The following GSE1 variants were observed in gnomAD, a reference collection of about 807,000 sequenced individuals.
GSE1 encodes the protein genetic suppressor element 1.
In GSE1, 32 loss-of-function variants were observed where a neutral mutation model predicts 112.6. The ratio of observed to expected loss-of-function variants is 0.28; its 90% CI spans 0.21 to 0.38. GSE1 has a LOEUF of 0.38. Ranked by LOEUF, GSE1 falls within the 10% of genes least tolerant of loss-of-function variation. The pLI is 1.00. For missense variants in GSE1, 2,348 were observed against 1,699.2 expected, an observed-to-expected ratio of 1.38 and a Z score of -6.71; for synonymous variants, 1,115 against 735.6, an observed-to-expected ratio of 1.52 and a Z score of -8.35.
chr16:85,656,176 T>C (rs1246626038), intron 6 of GSE1, among the ~76,000 whole-genome samples, 167 bp from the exon 7 acceptor site: 1 of 152,096 alleles, frequency 6.6e-6, no homozygotes, highest in Non-Finnish European at 1.5e-5. Context: ...CCGCTTTGAT[T>C]GTATGGACCT....
chr16:85,463,385 C>G (rs2050032260), intron 2 of GSE1, among the ~76,000 whole-genome samples: 2 of 152,208 alleles, frequency 1.3e-5, no homozygotes. Flanking sequence ...TGGGCCAACT[C>G]TAGGCAGCCG....
At chr16:85,490,055 G>GA (rs997839328) in intron 2 of GSE1, 5 of 152,416 alleles carry the variant, frequency 3.3e-5, no homozygotes, top group African/African-American at 1.2e-4. Flanking sequence ...TGAGAGAGAA[G>GA]AAAGATCTGT....
intron 1 of GSE1, among the ~76,000 whole-genome samples, chr16:85,258,744 C>T (rs1907349003): frequency 6.6e-6 from 1 of 152,230 alleles, no homozygotes; most frequent in Non-Finnish European, 1.5e-5. Context: ...TGCACTCCTC[C>T]AGGAGGGACA....
At chr16:85,215,410 G>T (rs576813779) in intron 1 of GSE1, among the ~76,000 whole-genome samples, 50 of 152,242 alleles carry the variant, frequency 3.3e-4, no homozygotes, top group African/African-American at 4.3e-4. Context: ...GAAGGGGAAG[G>T]GTTGTGGGGG....
intron 2 of GSE1, among the ~76,000 whole-genome samples, chr16:85,422,531 T>C (rs2048872681): frequency 6.6e-6 from 1 of 150,414 alleles, no homozygotes; most frequent in Non-Finnish European, 1.5e-5. Context: ...AGTCCCCTTG[T>C]ACACACGTTC....
At chr16:85,478,481 C>T (rs181994380) in intron 2 of GSE1, among the ~76,000 whole-genome samples, 1 of 146,040 alleles carries the variant, frequency 6.8e-6, no homozygotes, top group Non-Finnish European at 1.5e-5. Context: ...GAGCTGAGAT[C>T]GTGCCATTGC....
intron 2 of GSE1, among the ~76,000 whole-genome samples, chr16:85,647,318 G>A (rs958627670): frequency 1.3e-5 from 2 of 152,208 alleles, no homozygotes; most frequent in Admixed American, 1.3e-4. Flanking sequence ...CTGCGTTTTG[G>A]GGGCTGAGGG....
At position 85,641,240 on chromosome 16, in the gene GSE1, C is replaced by T. The variant is rs1016987324; in HGVS notation, c.226+7108C>T. 3.9e-5 allele frequency among the ~76,000 whole-genome samples: 6 copies of T among 152,264 alleles called. No individual in the cohort carries two copies. The East Asian group carries it at 7.7e-4, about 20-fold the overall frequency. ...CTGTCTCAGCTCCTTTGGTCCCACG[C>T]GGACTCTCCCGGCTCCATCCGGCTC... On this transcript the variant is annotated intron_variant, in intron 2 of 15. Coordinates refer to ENST00000253458, the MANE Select transcript of GSE1 (RefSeq NM_014615.5).
chr16:85,603,227 C>T (rs1046601982), intron 1 of GSE1, among the ~76,000 whole-genome samples: 3 of 152,216 alleles, frequency 2.0e-5, no homozygotes, highest in Non-Finnish European at 4.4e-5. Flanking sequence ...ACATTGTGAA[C>T]CCCTCCATCT....
intron 2 of GSE1, among the ~76,000 whole-genome samples, chr16:85,390,422 CG>C (rs753047574): frequency 3.3e-5 from 5 of 152,036 alleles, no homozygotes; most frequent in Non-Finnish European, 5.9e-5. Context: ...TGTGCCTGGC[CG>C]GGGCAGCTAG....
intron 1 of GSE1, among the ~76,000 whole-genome samples, chr16:85,240,828 A>G (rs1905111207): frequency 6.6e-6 from 1 of 152,146 alleles, no homozygotes; most frequent in Admixed American, 6.5e-5. Context: ...GGGGGGTCCC[A>G]GGTAATTATG....
chr16:85,651,619 C>T (rs752146314), intron 3 of GSE1, among the ~76,000 whole-genome samples: 3 of 152,172 alleles, frequency 2.0e-5, no homozygotes, highest in Non-Finnish European at 2.9e-5. Context: ...AGGAGGGCGG[C>T]AGGCCTGGGC....
intron 2 of GSE1, among the ~76,000 whole-genome samples, chr16:85,516,812 T>G (rs2051957892): frequency 6.6e-6 from 1 of 150,648 alleles, no homozygotes; most frequent in East Asian, 1.9e-4. Flanking sequence ...TTTTTTTTTT[T>G]TTTGAGACGG....
intron 2 of GSE1, among the ~76,000 whole-genome samples, chr16:85,481,488 G>T (rs1227720214): frequency 2.6e-5 from 4 of 152,218 alleles, no homozygotes; most frequent in African/African-American, 9.6e-5. Flanking sequence ...CCTTGCCAAG[G>T]AATTGAAGTT....
intron 2 of GSE1, among the ~76,000 whole-genome samples, chr16:85,377,243 CA>C (rs1293371584): frequency 1.3e-5 from 2 of 152,150 alleles, no homozygotes; most frequent in Non-Finnish European, 2.9e-5. Context: ...CTGGGTGTGT[CA>C]CGCATCCCAC....
chr16:85,536,668 G>A (rs1298436892), intron 2 of GSE1, among the ~76,000 whole-genome samples: 4 of 152,234 alleles, frequency 2.6e-5, no homozygotes, highest in African/African-American at 7.2e-5. Context: ...TTGGAACCCA[G>A]GCCCTCTGGC....
chr16:85,613,837 G>A (rs1203611464), intron 1 of GSE1, among the ~76,000 whole-genome samples: 1 of 137,988 alleles, frequency 7.2e-6, no homozygotes, highest in Non-Finnish European at 1.6e-5. Context: ...AGGTGCTGGC[G>A]ACGGCCGAGG....
At chr16:85,246,502 C>A (rs7198779) in intron 1 of GSE1, among the ~76,000 whole-genome samples, 588 of 45,730 alleles carry the variant, frequency 0.013, 39 homozygotes, top group African/African-American at 0.058. Context: ...CTCTACACAC[C>A]CCCCCCCCCC....
intron 2 of GSE1, among the ~76,000 whole-genome samples, chr16:85,441,850 GA>G (rs1441660529): frequency 2.0e-5 from 3 of 152,094 alleles, no homozygotes; most frequent in African/African-American, 7.2e-5. Context: ...CAGCCAGAGG[GA>G]CCATTTTAGA....
Sources: allele counts gnomAD v4.1 joint callset (sites outside exome capture counted in the v4.1 genomes callset), GRCh38; gene constraint gnomAD v4.1.1; transcripts MANE v1.5; gene names NCBI Gene and HGNC (gene_info 2026-07-23, HGNC 2026-07-21).